BTAF1: variants seen among roughly 807,000 people sequenced by gnomAD.
BTAF1 encodes the protein TATA-binding protein-associated factor 172.
In BTAF1, 38 loss-of-function variants were observed where a neutral mutation model predicts 227.1. The ratio of observed to expected loss-of-function variants is 0.17; its 90% CI spans 0.13 to 0.22. The LOEUF (loss-of-function observed/expected upper bound fraction) is 0.22, where lower values mean the gene tolerates loss of function less well. BTAF1 is among the 10% of genes least tolerant of loss of function. The pLI is 1.00. For synonymous variants in BTAF1, 742 were observed against 751.9 expected (o/e 0.99, Z 0.21); for missense variants, 1,598 against 2,204.0 (o/e 0.73, Z 5.51).
At chr10:91,996,120 G>A (rs2134047667) in intron 23 of BTAF1, among the ~76,000 whole-genome samples, 1 of 152,298 alleles carries the variant, frequency 6.6e-6, no homozygotes, top group East Asian at 1.9e-4. Context: ...ATATGCCTAA[G>A]AGATGATATG....
chr10:92,016,420 A>G lies in BTAF1; in HGVS notation c.4665A>G (p.Glu1555=). ...CAGTTTCTTCAGCTACACTTTCTGA[A>G]GAAACTGAAAAACCAAAGCTTAAAG... ...DETVSSATLS[E]ETEKPKLKAT... The change falls in exon 33 of 38, where the codon GAA becomes GAG. Residue 1555 remains glutamate, a synonymous_variant. Transcript: ENST00000265990. 6.3e-7 allele frequency: 1 copy of G among 1,595,750 alleles called. No homozygotes were observed. The highest frequency in any genetic ancestry group is 1.4e-5 in the African/African-American group (1 of 73,996).
At chr10:92,001,389 G>A (rs746828591) in intron 25 of BTAF1, among the ~76,000 whole-genome samples, 61 of 152,144 alleles carry the variant, frequency 4.0e-4, no homozygotes, top group African/African-American at 8.4e-4. Context: ...ACTGTGGAAA[G>A]GAGTAGGTGG....
intron 1 of BTAF1, among the ~76,000 whole-genome samples, chr10:91,924,361 C>T (rs771242418): frequency 1.1e-4 from 17 of 152,158 alleles, no homozygotes; most frequent in Non-Finnish European, 2.4e-4. Flanking sequence ...TTTCTGTTCT[C>T]TGGTTTCTCT....
intron 4 of BTAF1, among the ~76,000 whole-genome samples, chr10:91,948,105 C>T (rs1295384863): frequency 2.6e-5 from 4 of 151,986 alleles, no homozygotes; most frequent in South Asian, 2.1e-4. Flanking sequence ...GTTTGCTGCA[C>T]GCATTAACTC....
intron 14 of BTAF1, among the ~76,000 whole-genome samples, chr10:91,977,461 G>T (rs1231544915): frequency 6.6e-6 from 1 of 151,966 alleles, no homozygotes; most frequent in Non-Finnish European, 1.5e-5. Context: ...TTGTCTAGTT[G>T]TACCAGTTTG....
intron 14 of BTAF1, among the ~76,000 whole-genome samples, chr10:91,976,018 ACAGATAGCAGTTG>A (rs1212714927): frequency 6.6e-6 from 1 of 152,354 alleles, no homozygotes; most frequent in South Asian, 2.1e-4. Context: ...CAGTCGCACA[ACAGATAGCAGTTG>A]CAAGTGTTGG....
At chr10:91,973,570 A>T (rs72823200) in intron 14 of BTAF1, among the ~76,000 whole-genome samples, 21,222 of 152,192 alleles carry the variant, frequency 0.14, 1,605 homozygotes, top group Middle Eastern at 0.2. Flanking sequence ...GGCTACTGCC[A>T]TTCCTGTTTT....
At position 91,934,719 on chromosome 10, in the gene BTAF1, G is replaced by T. The variant is rs191123408; in HGVS notation, c.15-938G>T. Among the ~76,000 whole-genome samples the T allele has an allele frequency of 7.2e-5, 11 of 152,228 alleles. No homozygotes were observed. The East Asian group carries it at 2.1e-3, about 29-fold the overall frequency. ...CCCACTCTTCTCTTAAGTGTACCCT[G>T]AATTGCAACCAAACTGTTATTCATT... On this transcript the variant is annotated intron_variant, in intron 1 of 37. Transcript: ENST00000265990.
intron 25 of BTAF1, among the ~76,000 whole-genome samples, chr10:92,000,834 A>G (rs1426227813): frequency 1.3e-5 from 2 of 152,180 alleles, no homozygotes; most frequent in African/African-American, 4.8e-5. Context: ...GATTACAGGC[A>G]TGAGCCACCC....
At position 92,011,057 on chromosome 10, in the gene BTAF1, T is replaced by C. The variant is rs1218713102; in HGVS notation, c.4104-16T>C. On this transcript the variant is annotated splice_polypyrimidine_tract_variant and intron_variant, in intron 28 of 37. Coordinates refer to ENST00000265990, the MANE Select transcript of BTAF1 (RefSeq NM_003972.3). ...CAGGGTCTCTGTTTTCTAATTTTAT[T>C]CATTTCTAAATAAAGGTTACAGCAC... The C allele has an allele frequency of 6.4e-7, 1 of 1,571,856 alleles. No homozygotes were observed. Among genetic ancestry groups the C allele is most frequent in the Non-Finnish European group, 8.7e-7 (1 of 1,153,074 alleles).
At chr10:92,004,216 A>C (rs1262696407) in intron 25 of BTAF1, among the ~76,000 whole-genome samples, 1 of 152,140 alleles carries the variant, frequency 6.6e-6, no homozygotes, top group Non-Finnish European at 1.5e-5. Context: ...TGTGCTATAC[A>C]GAAAGCTTTT....
rs538463431 is a variant in BTAF1, at chr10:92,007,305, A to G, written c.3661-818A>G. ...ACAATCTCAGCTCACTGCAACATCT[A>G]CCTCCCAGGTTCAAGCGATTCTCCT... On this transcript the variant is annotated intron_variant, in intron 25 of 37. Coordinates refer to ENST00000265990, the MANE Select transcript of BTAF1 (RefSeq NM_003972.3). Among the ~76,000 whole-genome samples, 5 of 134,958 alleles carry G rather than the reference A, an allele frequency of 3.7e-5. No homozygotes were observed. The East Asian group carries it at 1.1e-3, about 29-fold the overall frequency. The allele number at this position is 134,958 out of a possible 152,430, so 88.5% of individuals were successfully genotyped here.
intron 14 of BTAF1, among the ~76,000 whole-genome samples, chr10:91,978,659 CAT>C (rs1046495723): frequency 2.0e-5 from 3 of 151,970 alleles, no homozygotes; most frequent in African/African-American, 7.3e-5. Context: ...TTAAAAAAGT[CAT>C]GTGGAGGGCA....
At chr10:91,928,293 C>G (rs72823181) in intron 1 of BTAF1, among the ~76,000 whole-genome samples, 21,146 of 152,096 alleles carry the variant, frequency 0.14, 1,589 homozygotes, top group Middle Eastern at 0.19. Context: ...AACTCTTGAT[C>G]TGTAGCTGAA....
chr10:91,950,153 G>GGGT (rs1845659527), intron 4 of BTAF1, among the ~76,000 whole-genome samples: 3 of 89,964 alleles, frequency 3.3e-5, no homozygotes, highest in Non-Finnish European at 7.2e-5. Context: ...CTTTGTGGGG[G>GGGT]GGGGCGGGAA....
intron 34 of BTAF1, among the ~76,000 whole-genome samples, chr10:92,022,956 G>A (rs1851244050): frequency 6.6e-6 from 1 of 152,140 alleles, no homozygotes; most frequent in Non-Finnish European, 1.5e-5. Flanking sequence ...ATGAGAACAT[G>A]TGTTCTTCCT....
rs1564699914 is a variant in BTAF1, at chr10:91,991,271, A to AT, written c.2855-848_2855-847insT. Among the ~76,000 whole-genome samples, 524 of 66,202 alleles carry AT rather than the reference A, an allele frequency of 7.9e-3. 20 individuals carry two copies. The highest frequency in any genetic ancestry group is 0.04 in the Middle Eastern group (5 of 126). The allele number at this position is 66,202 out of a possible 152,430, so 43.4% of individuals were successfully genotyped here. On this transcript the variant is annotated intron_variant, in intron 20 of 37. Coordinates refer to ENST00000265990, the MANE Select transcript of BTAF1 (RefSeq NM_003972.3). The stretch of plus-strand genomic sequence containing the variant: ...AAAAAAATATATAAATATAAATATA[A>AT]ATATATATATATATATATATAAATT...
At chr10:91,937,316 A>G (rs1160681016) in intron 2 of BTAF1, among the ~76,000 whole-genome samples, 1 of 152,134 alleles carries the variant, frequency 6.6e-6, no homozygotes, top group Non-Finnish European at 1.5e-5. Context: ...AAACAGCTTT[A>G]TTAAAATATA....
At chr10:91,951,179 G>A (rs1481316467) in intron 4 of BTAF1, among the ~76,000 whole-genome samples, 1 of 152,100 alleles carries the variant, frequency 6.6e-6, no homozygotes, top group Non-Finnish European at 1.5e-5. Context: ...GTTGGGGAAT[G>A]CGGGAATCTC....
Sources: allele counts gnomAD v4.1 joint callset (sites outside exome capture counted in the v4.1 genomes callset), GRCh38; gene constraint gnomAD v4.1.1; transcripts MANE v1.5; gene names NCBI Gene and HGNC (gene_info 2026-07-23, HGNC 2026-07-21).